The following MARCHF1 variants were observed in gnomAD, a reference collection of about 807,000 sequenced individuals.
MARCHF1 encodes the protein membrane associated ring-CH-type finger 1.
MARCHF1 carries 40 observed loss-of-function variants against 54.2 expected under a neutral mutation model. The observed-to-expected ratio is 0.74, with a 90% CI of 0.57 to 0.96. The LOEUF (loss-of-function observed/expected upper bound fraction) is 0.96, where lower values mean the gene tolerates loss of function less well. MARCHF1 is among the 40% of genes least tolerant of loss of function. The probability of loss-of-function intolerance (pLI) is 0.00; values close to 1 mark genes in which losing one functional copy is unlikely to be tolerated. For missense variants in MARCHF1, 586 were observed against 656.5 expected, an observed-to-expected ratio of 0.89 and a Z score of 1.17; for synonymous variants, 236 against 236.3, an observed-to-expected ratio of 1.00 and a Z score of 0.01.
At chr4:163,853,424 A>G (rs1163571867) in intron 4 of MARCHF1, among the ~76,000 whole-genome samples, 3 of 152,230 alleles carry the variant, frequency 2.0e-5, no homozygotes, top group African/African-American at 7.2e-5. Context: ...TCCTTTTGCT[A>G]ATGAGTGCTT....
intron 3 of MARCHF1, among the ~76,000 whole-genome samples, chr4:163,953,356 G>A (rs926813755): frequency 2.0e-5 from 3 of 152,082 alleles, no homozygotes; most frequent in African/African-American, 7.2e-5. Flanking sequence ...TTTAAGGCTT[G>A]ATTTTTTCTC....
intron 8 of MARCHF1, among the ~76,000 whole-genome samples, chr4:163,577,580 T>C (rs1396036109): frequency 6.6e-6 from 1 of 152,058 alleles, no homozygotes; most frequent in African/African-American, 2.4e-5. Context: ...ATTTTGATAG[T>C]ATCTTGCAGG....
At chr4:164,152,130 A>G (rs949434948) in intron 1 of MARCHF1, among the ~76,000 whole-genome samples, 4 of 152,206 alleles carry the variant, frequency 2.6e-5, no homozygotes, top group African/African-American at 9.6e-5. Flanking sequence ...ACGATAGAAA[A>G]TAAACAAATA....
intron 2 of MARCHF1, among the ~76,000 whole-genome samples, chr4:164,068,510 G>A (rs536002605): frequency 4.6e-5 from 7 of 152,262 alleles, no homozygotes; most frequent in South Asian, 4.1e-4. Flanking sequence ...CAGCCCCGCC[G>A]GCCCCGAGCA....
chr4:164,129,867 G>A (rs1284354407), intron 1 of MARCHF1: 1 of 152,058 alleles, frequency 6.6e-6, no homozygotes, highest in East Asian at 1.9e-4. Flanking sequence ...GTTGACCTGT[G>A]CAGCAAACCA....
Position 163,894,866 on chromosome 4 carries a change from TATATATATGCATGTGATGC to T in MARCHF1, c.-38-40716_-38-40698del, listed in dbSNP as rs1271517647. Among the ~76,000 whole-genome samples, 366 of 78,780 alleles carry T rather than the reference TATATATATGCATGTGATGC, an allele frequency of 4.6e-3. 124 individuals are homozygous for T. Among genetic ancestry groups the T allele is most frequent in the Non-Finnish European group, 4.9e-3 (173 of 35,568 alleles). 51.7% of individuals were successfully genotyped at this position (78,780 alleles called of 152,430 possible). A position where few individuals can be genotyped will look rare whatever the true frequency, so the allele number is the denominator to read the frequency against. On this transcript the variant is annotated intron_variant, in intron 3 of 9. Coordinates refer to ENST00000514618, the MANE Select transcript of MARCHF1 (RefSeq NM_001394959.1). The stretch of plus-strand genomic sequence containing the variant: ...TGCATATATATATGCATGTGATGCA[TATATATATGCATGTGATGC>T]ATATATATATGCATGTGATGCATAT...
At chr4:163,727,936 C>T (rs1453241790) in intron 4 of MARCHF1, among the ~76,000 whole-genome samples, 2 of 152,092 alleles carry the variant, frequency 1.3e-5, no homozygotes, top group African/African-American at 4.8e-5. Flanking sequence ...ATCCTCCCTC[C>T]TGGGCCTCTC....
intron 4 of MARCHF1, among the ~76,000 whole-genome samples, chr4:163,734,424 C>A (rs1745972649): frequency 6.6e-6 from 1 of 151,898 alleles, no homozygotes; most frequent in African/African-American, 2.4e-5. Flanking sequence ...GGGAAAAAAA[C>A]TAAATACCGG....
chr4:163,883,258 TGA>T (rs55714281), intron 3 of MARCHF1, among the ~76,000 whole-genome samples: 8,220 of 145,444 alleles, frequency 0.057, 520 homozygotes, highest in East Asian at 0.17. Context: ...TATATATATA[TGA>T]GAGAGAGAGA....
At chr4:164,303,532 T>C (rs1734618889) in intron 1 of MARCHF1, among the ~76,000 whole-genome samples, 1 of 152,202 alleles carries the variant, frequency 6.6e-6, no homozygotes, top group Non-Finnish European at 1.5e-5. Flanking sequence ...TGAATGAGAT[T>C]GTGTGCATAG....
chr4:163,563,583 T>C (rs960877835), intron 8 of MARCHF1, among the ~76,000 whole-genome samples: 1 of 152,192 alleles, frequency 6.6e-6, no homozygotes, highest in Non-Finnish European at 1.5e-5. Context: ...AACCATAGAC[T>C]TGGACATCAC....
chr4:163,525,622 C>T lies in MARCHF1; in HGVS notation c.*3126G>A, dbSNP rs180797697. Reference sequence around the variant, plus strand: ...AGTTCTTTAAAAAAATTAACAGCATCAATGTCTGGTTTAATACTGAAGATT... The same window carrying T: ...AGTTCTTTAAAAAAATTAACAGCATTAATGTCTGGTTTAATACTGAAGATT... On this transcript the variant is annotated 3_prime_UTR_variant, in exon 10 of 10. Transcript: ENST00000514618. The T allele has an allele frequency of 1.5e-3, 178 of 116,202 alleles. 1 individual carries two copies. The highest frequency in any genetic ancestry group is 4.7e-3 in the African/African-American group (164 of 34,774). The allele number at this position is 116,202 out of a possible 1,614,324, so 7.2% of individuals were successfully genotyped here.
intron 2 of MARCHF1, among the ~76,000 whole-genome samples, chr4:163,992,279 G>A (rs1024081390): frequency 6.6e-6 from 1 of 151,934 alleles, no homozygotes; most frequent in Non-Finnish European, 1.5e-5. Context: ...AGCAGGTAAT[G>A]TATAAAATTA....
At chr4:163,566,164 T>C (rs538307078) in intron 8 of MARCHF1, among the ~76,000 whole-genome samples, 3 of 152,352 alleles carry the variant, frequency 2.0e-5, no homozygotes, top group African/African-American at 7.2e-5. Context: ...AGGATTCTTT[T>C]AAGGTAATCA....
At chr4:164,304,953 G>T (rs1734659530) in intron 1 of MARCHF1, among the ~76,000 whole-genome samples, 1 of 152,162 alleles carries the variant, frequency 6.6e-6, no homozygotes, top group Non-Finnish European at 1.5e-5. Context: ...TAGATTTTCA[G>T]ATATTTGATG....
intron 2 of MARCHF1, among the ~76,000 whole-genome samples, chr4:164,091,970 C>T (rs748818522): frequency 2.2e-4 from 33 of 151,770 alleles, no homozygotes; most frequent in East Asian, 1.4e-3. Flanking sequence ...CCAAAATGTG[C>T]ATGTCTGGCA....
chr4:163,529,181 C>A, intron 9 of MARCHF1, 135 bp from the exon 10 acceptor site: 1 of 655,236 alleles, frequency 1.5e-6, no homozygotes. Flanking sequence ...ATATATTCTT[C>A]ATAACTAGAA....
intron 1 of MARCHF1, among the ~76,000 whole-genome samples, chr4:164,140,481 A>G (rs1031591606): frequency 1.3e-5 from 2 of 152,006 alleles, no homozygotes; most frequent in Non-Finnish European, 2.9e-5. Flanking sequence ...TCACCCACAG[A>G]TTACCTAAAG....
intron 2 of MARCHF1, among the ~76,000 whole-genome samples, chr4:164,051,640 T>A (rs951608226): frequency 6.6e-6 from 1 of 152,210 alleles, no homozygotes; most frequent in Non-Finnish European, 1.5e-5. Flanking sequence ...GTCTACAACT[T>A]GCAGAAGGTA....
Sources: gnomAD v4.1 joint callset for allele counts (sites outside exome capture counted in the v4.1 genomes callset) on GRCh38, gnomAD v4.1.1 for gene constraint, MANE v1.5 for transcripts, NCBI Gene and HGNC (gene_info 2026-07-23, HGNC 2026-07-21) for gene names.